MYO1E: variants seen among roughly 807,000 people sequenced by gnomAD.
MYO1E encodes unconventional myosin-Ie.
Under a neutral mutation model 151.1 loss-of-function variants are expected in MYO1E, and 68 were observed. That is an observed-to-expected ratio of 0.45 (90% CI 0.37 to 0.55). MYO1E has a LOEUF of 0.55. MYO1E is among the 20% of genes least tolerant of loss of function. The probability of loss-of-function intolerance (pLI) is 0.00; values close to 1 mark genes in which losing one functional copy is unlikely to be tolerated. For synonymous variants in MYO1E, 601 were observed against 501.7 expected, an observed-to-expected ratio of 1.20 and a Z score of -2.64; for missense variants, 1,363 against 1,389.3, an observed-to-expected ratio of 0.98 and a Z score of 0.30.
chr15:59,312,453 C>T (rs1233518729), intron 1 of MYO1E, among the ~76,000 whole-genome samples: 1 of 152,128 alleles, frequency 6.6e-6, no homozygotes, highest in African/African-American at 2.4e-5. Context: ...GAAACAGAAG[C>T]ATAAAGGAGC....
chr15:59,366,139 C>A (rs1384318679), intron 1 of MYO1E, among the ~76,000 whole-genome samples: 1 of 151,900 alleles, frequency 6.6e-6, no homozygotes, highest in Non-Finnish European at 1.5e-5. Context: ...ACCACCACAC[C>A]TGGCTACTTT....
At chr15:59,184,809 G>A (rs1003037608) in intron 18 of MYO1E, among the ~76,000 whole-genome samples, 8 of 152,186 alleles carry the variant, frequency 5.3e-5, no homozygotes, top group African/African-American at 1.9e-4. Context: ...ATACCTAGGA[G>A]TGGGCTTGCT....
chr15:59,191,409 A>G (rs2140327768), intron 17 of MYO1E, among the ~76,000 whole-genome samples: 1 of 152,154 alleles, frequency 6.6e-6, no homozygotes, highest in Non-Finnish European at 1.5e-5. Flanking sequence ...TTAAATTGAA[A>G]AATAATTAAT....
intron 5 of MYO1E, among the ~76,000 whole-genome samples, chr15:59,235,481 C>A (rs2080056832): frequency 6.6e-6 from 1 of 152,142 alleles, no homozygotes; most frequent in African/African-American, 2.4e-5. Context: ...TCTTGGAGAC[C>A]ATTCTCTATC....
intron 6 of MYO1E, 30 bp downstream of exon 6, chr15:59,231,672 G>C: frequency 2.5e-6 from 4 of 1,604,316 alleles, no homozygotes; most frequent in Non-Finnish European, 3.4e-6. Context: ...TCAATCAAGC[G>C]ACACTCTCTG....
intron 1 of MYO1E, among the ~76,000 whole-genome samples, chr15:59,288,826 C>T (rs1374724476): frequency 6.6e-6 from 1 of 152,184 alleles, no homozygotes; most frequent in African/African-American, 2.4e-5. Flanking sequence ...AAGAAGACGA[C>T]AGACAGTAGC....
In MYO1E at chr15:59,297,439, T is replaced by C. The variant is rs1382793379; in HGVS notation, c.4-24990A>G. 5.3e-5 allele frequency among the ~76,000 whole-genome samples: 7 copies of C among 132,262 alleles called. No individual in the cohort carries two copies. In the East Asian group the frequency reaches 1.6e-3, roughly 31 times the overall value. 86.8% of individuals were successfully genotyped at this position (132,262 alleles called of 152,430 possible). A position where few individuals can be genotyped will look rare whatever the true frequency, so the allele number is the denominator to read the frequency against. On this transcript the variant is annotated intron_variant, in intron 1 of 27. Coordinates refer to ENST00000288235, the MANE Select transcript of MYO1E (RefSeq NM_004998.4). ...GTACGCACCACCACACCCAGCTAATTTTTTTTTTTTTTTTTTTTTTTTAGT... is the reference window on the plus strand; with the variant it reads ...GTACGCACCACCACACCCAGCTAATCTTTTTTTTTTTTTTTTTTTTTTAGT...
chr15:59,271,994 G>A (rs1253862971), intron 2 of MYO1E, among the ~76,000 whole-genome samples: 1 of 152,242 alleles, frequency 6.6e-6, no homozygotes, highest in Non-Finnish European at 1.5e-5. Flanking sequence ...TGCACAGCCT[G>A]AACCAAGTGA....
At chr15:59,286,286 A>C (rs2140393326) in intron 1 of MYO1E, among the ~76,000 whole-genome samples, 1 of 152,294 alleles carries the variant, frequency 6.6e-6, no homozygotes, top group East Asian at 1.9e-4. Flanking sequence ...AAAATGCTGG[A>C]GGTATGCTGA....
At chr15:59,192,687 T>C (rs2079741305) in intron 17 of MYO1E, among the ~76,000 whole-genome samples, 1 of 152,172 alleles carries the variant, frequency 6.6e-6, no homozygotes, top group African/African-American at 2.4e-5. Flanking sequence ...TGGATAGAGT[T>C]TGAAATGGGG....
chr15:59,216,603 T>TATCC (rs2079916398), intron 10 of MYO1E, among the ~76,000 whole-genome samples: 1 of 125,588 alleles, frequency 8.0e-6, no homozygotes, highest in Non-Finnish European at 1.7e-5. Flanking sequence ...TGTATCTATC[T>TATCC]ATCTATCTAT....
rs999144874 is a variant in MYO1E, at chr15:59,224,891, C to T, written c.643-68G>A. On this transcript the variant is annotated intron_variant, in intron 7 of 27. Coordinates refer to ENST00000288235, the MANE Select transcript of MYO1E (RefSeq NM_004998.4). ...AGGCACCCGAAGTCACTCCTGCATC[C>T]TGCAGCCACCATCCCTAAGGACTTT... 4 of 1,601,064 alleles carry T rather than the reference C, an allele frequency of 2.5e-6. No individual in the cohort carries two copies. In the South Asian group the frequency reaches 3.3e-5, roughly 13 times the overall value.
chr15:59,211,181 C>T (rs954984898), intron 12 of MYO1E, among the ~76,000 whole-genome samples: 1 of 138,790 alleles, frequency 7.2e-6, no homozygotes, highest in African/African-American at 2.8e-5. Flanking sequence ...GCCTGGATGA[C>T]AGAGCGAAAC....
In MYO1E at chr15:59,174,635, C is replaced by T. The variant is rs558528206; in HGVS notation, c.2050-395G>A. Among the ~76,000 whole-genome samples the T allele has an allele frequency of 4.8e-4, 73 of 152,118 alleles. 1 individual carries two copies. In the East Asian group the frequency reaches 5.4e-3, roughly 11 times the overall value. On this transcript the variant is annotated intron_variant, in intron 19 of 27. Transcript: ENST00000288235. ...GGTGGAGGCTGTTGCTGTTGTTTGG[C>T]GCGGCACTTCTGCATGCAGCCTCTA...
At chr15:59,317,416 A>G (rs752498078) in intron 1 of MYO1E, among the ~76,000 whole-genome samples, 4 of 152,216 alleles carry the variant, frequency 2.6e-5, no homozygotes, top group Non-Finnish European at 5.9e-5. Context: ...TAGGATGCTT[A>G]GGGTAAACTC....
At chr15:59,138,440 T>C (rs972887732) in intron 26 of MYO1E, 73 bp from the exon 27 acceptor site, 175 of 1,548,478 alleles carry the variant, frequency 1.1e-4, no homozygotes, top group Non-Finnish European at 2.3e-5. Context: ...GTTTGGAGCA[T>C]GGCGGCCGGC....
chr15:59,151,978 G>A (rs1406723943), intron 26 of MYO1E, among the ~76,000 whole-genome samples: 1 of 151,980 alleles, frequency 6.6e-6, no homozygotes, highest in African/African-American at 2.4e-5. Context: ...TGAGGCAGGG[G>A]AATCGCTTGA....
chr15:59,299,180 C>G (rs1342815316), intron 1 of MYO1E, among the ~76,000 whole-genome samples: 1 of 152,210 alleles, frequency 6.6e-6, no homozygotes, highest in African/African-American at 2.4e-5. Context: ...ATAGCTACTG[C>G]TGACACATCA....
intron 1 of MYO1E, among the ~76,000 whole-genome samples, chr15:59,370,903 TA>T (rs1369898144): frequency 4.6e-5 from 7 of 152,170 alleles, no homozygotes; most frequent in Non-Finnish European, 1.0e-4. Flanking sequence ...GTACCAGGAC[TA>T]TCACACTGCT....
Sources: gnomAD v4.1 joint callset for allele counts (sites outside exome capture counted in the v4.1 genomes callset) on GRCh38, gnomAD v4.1.1 for gene constraint, MANE v1.5 for transcripts, NCBI Gene and HGNC (gene_info 2026-07-23, HGNC 2026-07-21) for gene names.